The following CEP63 variants were observed in gnomAD, a reference collection of about 807,000 sequenced individuals.
The protein encoded by CEP63 is centrosomal protein 63, also known as centrosomal protein of 63 kDa.
Under a neutral mutation model 89.1 loss-of-function variants are expected in CEP63, and 84 were observed. The ratio of observed to expected loss-of-function variants is 0.94; its 90% confidence interval spans 0.79 to 1.13. The LOEUF is 1.13. CEP63 is among the 50% of genes most tolerant of loss of function. CEP63 has a pLI of 0.00. For missense variants in CEP63, 838 were observed against 813.3 expected, an observed-to-expected ratio of 1.03 and a Z score of -0.37; for synonymous variants, 267 against 272.5, an observed-to-expected ratio of 0.98 and a Z score of 0.20.
the CEP63 span, chr3:134,603,724 G>A: frequency 1.2e-6 from 2 of 1,613,702 alleles, no homozygotes. Context: ...CAGGGGCCAT[G>A]TGTCCTGCCC....
At chr3:134,555,871 C>G (rs1214602039) in intron 12 of CEP63, among the ~76,000 whole-genome samples, 1 of 152,060 alleles carries the variant, frequency 6.6e-6, no homozygotes, top group Non-Finnish European at 1.5e-5. Flanking sequence ...TGACTTCAAA[C>G]TATACTACAA....
At chr3:134,714,590 A>C in the CEP63 span, among the ~76,000 whole-genome samples, 1 of 152,220 alleles carries the variant, frequency 6.6e-6, no homozygotes, top group Non-Finnish European at 1.5e-5. Flanking sequence ...ATTCTGAAGA[A>C]AGTCAAGGCT....
the CEP63 span, chr3:134,620,779 C>T: frequency 1.3e-5 from 21 of 1,613,494 alleles, no homozygotes; most frequent in East Asian, 2.2e-5. Context: ...ATCCAGATGG[C>T]GCGGACCCTT....
intron 6 of CEP63, among the ~76,000 whole-genome samples, chr3:134,539,207 G>A (rs1951488498): frequency 6.6e-6 from 1 of 152,066 alleles, no homozygotes; most frequent in Non-Finnish European, 1.5e-5. Flanking sequence ...AGCATTAATA[G>A]TTGTCATCAT....
the CEP63 span, among the ~76,000 whole-genome samples, chr3:134,749,612 C>A: frequency 7.1e-6 from 1 of 141,394 alleles, no homozygotes; most frequent in African/African-American, 2.6e-5. Flanking sequence ...GTGTGTGCAA[C>A]CGGGAGAGCT....
At chr3:134,717,701 G>A in the CEP63 span, among the ~76,000 whole-genome samples, 1 of 152,326 alleles carries the variant, frequency 6.6e-6, no homozygotes, top group East Asian at 1.9e-4. Flanking sequence ...ATATGAATTA[G>A]GAGGTTTCTT....
chr3:134,486,027 C>A, upstream of CEP63: 1 of 984,142 alleles, frequency 1.0e-6, no homozygotes, highest in Non-Finnish European at 1.2e-6. Context: ...TGTCTGCACT[C>A]GCTTTCCTCG....
the CEP63 span, among the ~76,000 whole-genome samples, chr3:134,734,021 C>A: frequency 2.0e-5 from 3 of 151,992 alleles, no homozygotes; most frequent in African/African-American, 7.3e-5. Flanking sequence ...GAGGTATTAG[C>A]CAATGTGATT....
intron 12 of CEP63, among the ~76,000 whole-genome samples, chr3:134,555,925 G>T (rs1224077619): frequency 6.6e-6 from 1 of 151,788 alleles, no homozygotes; most frequent in Non-Finnish European, 1.5e-5. Context: ...CCAAAAAAGA[G>T]ATATAGATCA....
the CEP63 span, among the ~76,000 whole-genome samples, chr3:134,691,062 A>C: frequency 1.3e-5 from 2 of 152,296 alleles, no homozygotes; most frequent in Admixed American, 1.3e-4. Flanking sequence ...ATATTTTTTA[A>C]ATTATTTCTT....
intron 2 of CEP63, among the ~76,000 whole-genome samples, chr3:134,504,809 C>G (rs1943048190): frequency 6.6e-6 from 1 of 151,736 alleles, no homozygotes; most frequent in Non-Finnish European, 1.5e-5. Context: ...ATTCTTTATT[C>G]TTTTGTTGTT....
chr3:134,706,546 G>A, the CEP63 span, among the ~76,000 whole-genome samples: 1 of 152,034 alleles, frequency 6.6e-6, no homozygotes, highest in Non-Finnish European at 1.5e-5. Flanking sequence ...TTGCTCCTAG[G>A]GACCTATCCT....
chr3:134,607,726 A>T, the CEP63 span: 35 of 985,786 alleles, frequency 3.6e-5, no homozygotes, highest in African/African-American at 6.1e-4. Flanking sequence ...CTCAGCTGCC[A>T]TGGCTCCGTG....
the CEP63 span, among the ~76,000 whole-genome samples, chr3:134,772,372 ATG>A: frequency 6.6e-6 from 1 of 152,144 alleles, no homozygotes; most frequent in South Asian, 2.1e-4. Context: ...GCCGGCCATA[ATG>A]GGAGACTATA....
chr3:134,714,212 T>C, the CEP63 span, among the ~76,000 whole-genome samples: 1 of 152,232 alleles, frequency 6.6e-6, no homozygotes. Flanking sequence ...GTAATATCAA[T>C]ACTGCTGGTC....
chr3:134,615,954 C>T, the CEP63 span, among the ~76,000 whole-genome samples: 1 of 152,330 alleles, frequency 6.6e-6, no homozygotes, highest in Non-Finnish European at 1.5e-5. Context: ...CCCTCAGTGT[C>T]AGGGCTCAAA....
chr3:134,614,200 G>A, the CEP63 span, among the ~76,000 whole-genome samples: 9 of 152,126 alleles, frequency 5.9e-5, no homozygotes, highest in South Asian at 1.0e-3. Flanking sequence ...GAGAGAGCAC[G>A]GAAGGAGGGG....
At chr3:134,752,905 A>C in the CEP63 span, among the ~76,000 whole-genome samples, 1 of 151,326 alleles carries the variant, frequency 6.6e-6, no homozygotes, top group East Asian at 2.0e-4. Context: ...GCTCTGCCCC[A>C]CTCTCTGCCT....
At chr3:134,710,493 A>C in the CEP63 span, among the ~76,000 whole-genome samples, 3 of 152,170 alleles carry the variant, frequency 2.0e-5, no homozygotes, top group Admixed American at 1.3e-4. Context: ...ATTTTCAAAA[A>C]CATGTTTTTA....
Sources: allele counts gnomAD v4.1 joint callset (sites outside exome capture counted in the v4.1 genomes callset), GRCh38; gene constraint gnomAD v4.1.1; transcripts MANE v1.5; gene names NCBI Gene and HGNC (gene_info 2026-07-23, HGNC 2026-07-21).